LINGO2: variants seen among roughly 807,000 people sequenced by gnomAD.
The protein encoded by LINGO2 is leucine rich repeat and Ig domain containing 2, also known as leucine-rich repeat and immunoglobulin-like domain-containing nogo receptor-interacting protein 2.
A neutral mutation model predicts 30.6 loss-of-function variants in LINGO2; 14 were observed. That is an observed-to-expected ratio of 0.46 (90% CI 0.30 to 0.72). The LOEUF is 0.72. Ranked by LOEUF, LINGO2 falls within the 30% of genes least tolerant of loss-of-function variation. The pLI, the probability that LINGO2 is intolerant of heterozygous loss-of-function variation, is 0.07. For missense variants in LINGO2, 729 were observed against 751.7 expected (o/e 0.97, Z 0.35); for synonymous variants, 317 against 288.5 (o/e 1.10, Z -1.00).
intron 1 of LINGO2, among the ~76,000 whole-genome samples, chr9:28,505,059 T>C (rs888437942): frequency 6.6e-6 from 1 of 151,848 alleles, no homozygotes; most frequent in African/African-American, 2.4e-5. Flanking sequence ...AGAGGGATTT[T>C]GATGCCATGC....
Position 28,464,174 on chromosome 9 carries a change from A to C in LINGO2, c.-279+11766T>G, listed in dbSNP as rs563206756. On this transcript the variant is annotated intron_variant, in intron 2 of 5. Transcript: ENST00000379992. ...TTTCAATATTTTCCCATGTAATTAA[A>C]TTAGCAAATGTATTTTATACAACAT... is the stretch of plus-strand genomic sequence containing the variant. 4.0e-3 allele frequency among the ~76,000 whole-genome samples: 602 copies of C among 152,310 alleles called. 3 individuals carry two copies. Among genetic ancestry groups the C allele is most frequent in the Non-Finnish European group, 6.2e-3 (423 of 68,006 alleles).
intron 1 of LINGO2, among the ~76,000 whole-genome samples, chr9:28,553,011 T>C (rs1457283789): frequency 2.0e-5 from 3 of 152,044 alleles, no homozygotes; most frequent in African/African-American, 7.2e-5. Flanking sequence ...TTATTGTTTG[T>C]TTGTTTTAGT....
At chr9:28,205,556 A>T (rs1820380268) in intron 4 of LINGO2, among the ~76,000 whole-genome samples, 1 of 152,200 alleles carries the variant, frequency 6.6e-6, no homozygotes, top group South Asian at 2.1e-4. Context: ...GGGAGACAAC[A>T]GCCTTGTCTA....
chr9:28,838,959 C>T, the LINGO2 span, among the ~76,000 whole-genome samples: 10 of 152,202 alleles, frequency 6.6e-5, no homozygotes, highest in Admixed American at 5.2e-4. Flanking sequence ...AGCATGGGTG[C>T]CAGCTCCCTG....
intron 1 of LINGO2, among the ~76,000 whole-genome samples, chr9:28,601,140 C>A (rs191844692): frequency 5.9e-5 from 9 of 151,990 alleles, no homozygotes; most frequent in Non-Finnish European, 1.0e-4. Flanking sequence ...CTAGCAGTAC[C>A]CTGGAGAATG....
At chr9:28,551,007 T>C (rs1465351681) in intron 1 of LINGO2, among the ~76,000 whole-genome samples, 1 of 151,840 alleles carries the variant, frequency 6.6e-6, no homozygotes, top group Non-Finnish European at 1.5e-5. Flanking sequence ...AGAATACAAA[T>C]TTTGTAATTG....
intron 4 of LINGO2, among the ~76,000 whole-genome samples, chr9:28,235,702 G>C (rs928186584): frequency 2.0e-5 from 3 of 152,138 alleles, no homozygotes; most frequent in Non-Finnish European, 4.4e-5. Flanking sequence ...ACATGCTGAA[G>C]AATGCATCAA....
chr9:29,082,484 G>T, the LINGO2 span, among the ~76,000 whole-genome samples: 2 of 152,066 alleles, frequency 1.3e-5, no homozygotes, highest in African/African-American at 4.8e-5. Flanking sequence ...ATTCCAAGAA[G>T]AAAACCTAGG....
intron 4 of LINGO2, among the ~76,000 whole-genome samples, chr9:28,063,409 G>C (rs374785620): frequency 2.0e-5 from 3 of 148,464 alleles, no homozygotes; most frequent in African/African-American, 7.5e-5. Context: ...TCCTGTGGTA[G>C]AAAGTAGGTC....
At chr9:28,717,555 C>T in the LINGO2 span, among the ~76,000 whole-genome samples, 69 of 152,046 alleles carry the variant, frequency 4.5e-4, no homozygotes, top group African/African-American at 1.5e-3. Flanking sequence ...TCTTTTCTCT[C>T]CCACACACTC....
intron 5 of LINGO2, among the ~76,000 whole-genome samples, chr9:27,994,020 T>A (rs1016259186): frequency 6.6e-6 from 1 of 151,198 alleles, no homozygotes; most frequent in Non-Finnish European, 1.5e-5. Flanking sequence ...GTACAAAAAA[T>A]ATGGAAATTA....
intron 3 of LINGO2, among the ~76,000 whole-genome samples, chr9:28,367,883 T>A (rs1820738349): frequency 6.6e-6 from 1 of 152,196 alleles, no homozygotes; most frequent in Non-Finnish European, 1.5e-5. Context: ...AATTCTGGTT[T>A]ATTGAACTTT....
intron 5 of LINGO2, among the ~76,000 whole-genome samples, chr9:28,012,104 A>G (rs1326943860): frequency 2.0e-5 from 3 of 152,126 alleles, no homozygotes; most frequent in Non-Finnish European, 4.4e-5. Flanking sequence ...TTGGTTTAGG[A>G]CTTCATAAAA....
intron 5 of LINGO2, among the ~76,000 whole-genome samples, chr9:27,983,790 G>T (rs1320315608): frequency 6.6e-6 from 1 of 151,816 alleles, no homozygotes; most frequent in Non-Finnish European, 1.5e-5. Flanking sequence ...ACCGTGGTTT[G>T]TTTCACATAC....
chr9:28,014,762 G>T (rs1370124675), intron 4 of LINGO2, among the ~76,000 whole-genome samples: 1 of 152,122 alleles, frequency 6.6e-6, no homozygotes, highest in Non-Finnish European at 1.5e-5. Flanking sequence ...AGGGCCCACA[G>T]AAGATAATTC....
At chr9:28,918,344 CA>C in the LINGO2 span, among the ~76,000 whole-genome samples, 2 of 152,200 alleles carry the variant, frequency 1.3e-5, no homozygotes, top group Non-Finnish European at 2.9e-5. Context: ...GTCCCTTCCA[CA>C]ACACATGGGA....
the LINGO2 span, among the ~76,000 whole-genome samples, chr9:29,192,642 G>A: frequency 6.6e-6 from 1 of 152,132 alleles, no homozygotes; most frequent in East Asian, 1.9e-4. Context: ...GAACACTAGA[G>A]ACTATATATT....
chr9:28,635,188 C>G lies in LINGO2; in HGVS notation c.-365+35012G>C, dbSNP rs73443395. ...TAAATTTTGCTGTTCTTATTCTACA[C>G]CTGTTGGATTAACTGTCACTTATAA... On this transcript the variant is annotated intron_variant, in intron 1 of 5. Transcript: ENST00000379992. Among the ~76,000 whole-genome samples the G allele has an allele frequency of 1.6e-3, 242 of 152,300 alleles. 1 individual carries two copies. Among genetic ancestry groups the G allele is most frequent in the African/African-American group, 5.4e-3 (224 of 41,574 alleles).
At chr9:28,396,521 G>T (rs1297153138) in intron 2 of LINGO2, among the ~76,000 whole-genome samples, 3 of 151,736 alleles carry the variant, frequency 2.0e-5, no homozygotes, top group African/African-American at 4.8e-5. Flanking sequence ...AGGCTAACGT[G>T]GTGAAACCCC....
Sources: allele counts gnomAD v4.1 joint callset (sites outside exome capture counted in the v4.1 genomes callset), GRCh38; gene constraint gnomAD v4.1.1; transcripts MANE v1.5; gene names NCBI Gene and HGNC (gene_info 2026-07-23, HGNC 2026-07-21).